Variants in SLC13A4 observed in about 807,000 individuals in gnomAD.
The protein encoded by SLC13A4 is solute carrier family 13 member 4.
In SLC13A4, 28 loss-of-function variants were observed where a neutral mutation model predicts 72.7. The ratio of observed to expected loss-of-function variants is 0.39; its 90% CI spans 0.29 to 0.53. SLC13A4 has a LOEUF of 0.53. SLC13A4 is among the 20% of genes least tolerant of loss of function. SLC13A4 has a pLI of 0.78. For synonymous variants in SLC13A4, 312 were observed against 325.5 expected (o/e 0.96, Z 0.45); for missense variants, 653 against 788.0 (o/e 0.83, Z 2.05).
At chr7:135,708,307 C>G (rs1796216032) in intron 2 of SLC13A4, 57 bp from the exon 3 acceptor site, 1 of 1,606,672 alleles carries the variant, frequency 6.2e-7, no homozygotes, top group Non-Finnish European at 8.5e-7. Flanking sequence ...CAGGGCCCAG[C>G]ACCAGCTGGG....
chr7:135,721,244 C>T lies in SLC13A4; in HGVS notation c.228+151G>A. ...GAGAGGAATTCAGGGTCTAGAACTG[C>T]AGGTGCCAAAGCTTAGTGTTAAGGG... On this transcript the variant is annotated intron_variant, in intron 2 of 15. Transcript: ENST00000682651. 5 of 817,436 alleles carry T rather than the reference C, an allele frequency of 6.1e-6. 1 individual carries two copies. The South Asian group carries it at 8.9e-5, about 15-fold the overall frequency. The allele number at this position is 817,436 out of a possible 1,614,324, so 50.6% of individuals were successfully genotyped here. A position where few individuals can be genotyped will look rare whatever the true frequency, so the allele number is the denominator to read the frequency against.
intron 1 of SLC13A4, 59 bp from the exon 2 acceptor site, chr7:135,721,582 G>A (rs111545354): frequency 0.019 from 30,319 of 1,600,450 alleles, 308 homozygotes; most frequent in Non-Finnish European, 0.022. Flanking sequence ...CTGAGCGTCC[G>A]GATGCAACCC....
At position 135,727,738 on chromosome 7, in the gene SLC13A4, G is replaced by T; in HGVS notation, c.-242C>A. The stretch of plus-strand genomic sequence containing the variant: ...AGCATCGTTTTGTGACCAGCAAAAA[G>T]GAACTGGGAAAGGATGATAAACGGG... On this transcript the variant is annotated 5_prime_UTR_variant, in exon 1 of 16. Coordinates refer to ENST00000682651, the MANE Select transcript of SLC13A4 (RefSeq NM_001318192.2). 1 of 467,416 alleles carries T rather than the reference G, an allele frequency of 2.1e-6. No individual in the cohort carries two copies. The highest frequency in any genetic ancestry group is 3.8e-6 in the Non-Finnish European group (1 of 264,582). 29.0% of individuals were successfully genotyped at this position (467,416 alleles called of 1,614,324 possible). A position where few individuals can be genotyped will look rare whatever the true frequency, so the allele number is the denominator to read the frequency against.
rs1795787894 is a variant in SLC13A4 at position 135,691,568 on chromosome 7, C to G, written c.1301G>C (p.Cys434Ser). Reference sequence around the variant, plus strand: ...CTCACCATCATTCTTTTTCCCAAAGCAGGGCTTCTTCGCTGGAATGAGGAA... The same window carrying G: ...CTCACCATCATTCTTTTTCCCAAAGGAGGGCTTCTTCGCTGGAATGAGGAA... Reference protein sequence around the residue: ...LLFLIPAKKPCFGKKNDGENQ... With the variant: ...LLFLIPAKKPSFGKKNDGENQ... The change falls in exon 12 of 16, where the codon TGC (cysteine) becomes TCC (serine). Residue 434 changes from cysteine (C) to serine (S), a missense_variant. Physicochemically the swap from Cys to Ser is moderately radical, Grantham distance 112 (BLOSUM62 -1). Transcript: ENST00000682651. 6.2e-7 allele frequency: 1 copy of G among 1,613,542 alleles called. No homozygotes were observed.
chr7:135,716,738 GGTAA>G (rs1796441520), intron 2 of SLC13A4, among the ~76,000 whole-genome samples: 2 of 152,226 alleles, frequency 1.3e-5, no homozygotes, highest in African/African-American at 2.4e-5. Flanking sequence ...CATAACCGCG[GGTAA>G]GTAAGTTACT....
chr7:135,685,752 C>T (rs1795608637), intron 13 of SLC13A4, 69 bp from the exon 14 acceptor site: 2 of 1,434,538 alleles, frequency 1.4e-6, no homozygotes, highest in Admixed American at 3.5e-5. Context: ...TCTTAGACTT[C>T]AGAAGGTCAG....
intron 15 of SLC13A4, 47 bp downstream of exon 15, chr7:135,684,077 G>C: frequency 6.5e-7 from 1 of 1,547,672 alleles, no homozygotes; most frequent in Non-Finnish European, 8.8e-7. Context: ...TGTCATCCCT[G>C]TCCTCATGGC....
intron 1 of SLC13A4, among the ~76,000 whole-genome samples, chr7:135,722,576 A>G (rs1476491141): frequency 6.8e-6 from 1 of 146,470 alleles, no homozygotes; most frequent in Admixed American, 6.9e-5. Context: ...ATATACGAAC[A>G]TTACATGTGA....
chr7:135,720,940 T>C (rs1284305429), intron 2 of SLC13A4, among the ~76,000 whole-genome samples: 2 of 152,176 alleles, frequency 1.3e-5, no homozygotes, highest in East Asian at 3.9e-4. Flanking sequence ...TTCAGGGAAA[T>C]AGGGTAAGTC....
chr7:135,710,561 T>G (rs1796277290), intron 2 of SLC13A4, among the ~76,000 whole-genome samples: 1 of 137,198 alleles, frequency 7.3e-6, no homozygotes, highest in African/African-American at 2.7e-5. Flanking sequence ...TTATTGACTC[T>G]GAGGGTGGGG....
Position 135,681,410 on chromosome 7 carries a change from T to C in SLC13A4, c.*153A>G. The C allele has an allele frequency of 4.6e-6, 4 of 867,084 alleles. No individual in the cohort carries two copies. Among genetic ancestry groups the C allele is most frequent in the Non-Finnish European group, 6.9e-6 (4 of 579,444 alleles). The allele number at this position is 867,084 out of a possible 1,614,324, so 53.7% of individuals were successfully genotyped here. A position where few individuals can be genotyped will look rare whatever the true frequency, so the allele number is the denominator to read the frequency against. On this transcript the variant is annotated 3_prime_UTR_variant, in exon 16 of 16. Transcript: ENST00000682651. ...TTGTTGGAGGATTCCTGCAGTTCACTTGAGGTGGCGGAATCTTCTGGTGGA... is the reference window on the plus strand; with the variant it reads ...TTGTTGGAGGATTCCTGCAGTTCACCTGAGGTGGCGGAATCTTCTGGTGGA...
Position 135,705,236 on chromosome 7 carries a change from G to A in SLC13A4, c.593+360C>T, listed in dbSNP as rs1025515288. On this transcript the variant is annotated intron_variant, in intron 5 of 15. Coordinates refer to ENST00000682651, the MANE Select transcript of SLC13A4 (RefSeq NM_001318192.2). ...TCTGCAGTGGCATCGAGATGTGAAC[G>A]GTTTTCCGTTAACAAATTAAACATA... 5 of 195,570 alleles carry A rather than the reference G, an allele frequency of 2.6e-5. No individual in the cohort carries two copies. The South Asian group carries it at 6.0e-4, about 24-fold the overall frequency. The allele number at this position is 195,570 out of a possible 1,614,324, so 12.1% of individuals were successfully genotyped here.
chr7:135,702,969 T>A, intron 5 of SLC13A4, 85 bp from the exon 6 acceptor site: 1 of 957,820 alleles, frequency 1.0e-6, no homozygotes, highest in Non-Finnish European at 1.7e-6. Flanking sequence ...GCGTTTGGTG[T>A]AAGGGACTTA....
At chr7:135,705,758 G>A (rs1796146485) in intron 4 of SLC13A4, 108 bp from the exon 5 acceptor site, 1 of 903,122 alleles carries the variant, frequency 1.1e-6, no homozygotes, top group Non-Finnish European at 1.8e-6. Context: ...ATATGGAGTG[G>A]GTGACATTTC....
In SLC13A4 at chr7:135,691,312, C is replaced by T. The variant is rs762293636; in HGVS notation, c.1335G>A (p.Glu445=). ...FGKKNDGENQ[E]HSLGTEPIIT... The stretch of plus-strand genomic sequence containing the variant: ...TGATGGGCTCGGTCCCCAGTGAGTG[C>T]TCCTGGTTCTCTCCTGGATTAGAGA... Residue 445 remains glutamate (E), a synonymous_variant, in exon 13 of 16, where the codon GAG becomes GAA. Coordinates refer to ENST00000682651, the MANE Select transcript of SLC13A4 (RefSeq NM_001318192.2). The T allele has an allele frequency of 2.4e-5, 38 of 1,613,142 alleles. No homozygotes were observed. The highest frequency in any genetic ancestry group is 1.2e-4 in the Admixed American group (7 of 59,848).
chr7:135,707,953 GCC>G, intron 3 of SLC13A4, 159 bp downstream of exon 3: 1 of 744,698 alleles, frequency 1.3e-6, no homozygotes, highest in Non-Finnish European at 2.2e-6. Flanking sequence ...ATGATCACAG[GCC>G]CTCTCCCTGG....
chr7:135,701,803 G>A, intron 6 of SLC13A4, 43 bp from the exon 7 acceptor site: 1 of 1,592,806 alleles, frequency 6.3e-7, no homozygotes. Flanking sequence ...AGAGGAAGTG[G>A]TGAGCCAGGT....
intron 13 of SLC13A4, among the ~76,000 whole-genome samples, chr7:135,689,201 A>T (rs1325909807): frequency 1.3e-5 from 2 of 152,176 alleles, no homozygotes; most frequent in Non-Finnish European, 2.9e-5. Flanking sequence ...GTTAAAAAAA[A>T]AAATAAAATC....
intron 1 of SLC13A4, among the ~76,000 whole-genome samples, 163 bp from the exon 2 acceptor site, chr7:135,721,686 A>C (rs746823594): frequency 6.6e-6 from 1 of 152,182 alleles, no homozygotes; most frequent in Non-Finnish European, 1.5e-5. Context: ...TGGTGAATAC[A>C]TGGTGAGTCC....
Sources: gnomAD v4.1 joint callset for allele counts (sites outside exome capture counted in the v4.1 genomes callset) on GRCh38, gnomAD v4.1.1 for gene constraint, MANE v1.5 for transcripts, NCBI Gene and HGNC (gene_info 2026-07-23, HGNC 2026-07-21) for gene names.